The following KALRN variants were observed in gnomAD, a reference collection of about 807,000 sequenced individuals.
The protein encoded by KALRN is kalirin.
In KALRN, 70 loss-of-function variants were observed where a neutral mutation model predicts 353.7. That is an observed-to-expected ratio of 0.20 (90% CI 0.16 to 0.24). KALRN has a LOEUF of 0.24. KALRN is among the 10% of genes least tolerant of loss of function. The pLI is 1.00. For missense variants in KALRN, 2,791 were observed against 3,756.7 expected (o/e 0.74, Z 6.72); for synonymous variants, 1,391 against 1,434.8 (o/e 0.97, Z 0.69).
chr3:124,627,558 C>A (rs139905767), intron 34 of KALRN, among the ~76,000 whole-genome samples: 1 of 152,180 alleles, frequency 6.6e-6, no homozygotes, highest in Admixed American at 6.5e-5. Context: ...TTAATGTGGC[C>A]GGACTTCTAG....
rs150690836 is a variant in KALRN, at chr3:124,123,531, G to A, written c.73+89718G>A. Reference sequence around the variant, plus strand: ...TTCATGAGACTGAGGGAAAGAAGCAGTCTTTACAACATAAAAATGCAAGAT... The same window carrying A: ...TTCATGAGACTGAGGGAAAGAAGCAATCTTTACAACATAAAAATGCAAGAT... On this transcript the variant is annotated intron_variant, in intron 1 of 59. Coordinates refer to ENST00000682506, the MANE Select transcript of KALRN (RefSeq NM_001388419.1). Among the ~76,000 whole-genome samples, 141 of 152,328 alleles carry A rather than the reference G, an allele frequency of 9.3e-4. 1 individual carries two copies. The highest frequency in any genetic ancestry group is 3.2e-3 in the African/African-American group (132 of 41,582).
intron 1 of KALRN, among the ~76,000 whole-genome samples, chr3:124,141,183 T>TAATA (rs1398167953): frequency 6.6e-6 from 1 of 152,202 alleles, no homozygotes; most frequent in Non-Finnish European, 1.5e-5. Context: ...ATCCCATGCC[T>TAATA]AATAGCTCCT....
At chr3:124,530,387 G>A (rs890007609) in intron 33 of KALRN, among the ~76,000 whole-genome samples, 3 of 152,062 alleles carry the variant, frequency 2.0e-5, no homozygotes, top group Admixed American at 1.3e-4. Context: ...GTCATTTGAT[G>A]TAATGGCAGT....
At chr3:124,596,151 A>G (rs1047012971) in intron 34 of KALRN, among the ~76,000 whole-genome samples, 9 of 151,000 alleles carry the variant, frequency 6.0e-5, no homozygotes, top group African/African-American at 2.0e-4. Flanking sequence ...TTTTCATCTC[A>G]TATTTCATTT....
intron 33 of KALRN, among the ~76,000 whole-genome samples, chr3:124,535,161 G>C (rs2068402090): frequency 2.0e-5 from 3 of 151,436 alleles, no homozygotes; most frequent in African/African-American, 7.3e-5. Context: ...TGGATGGGGG[G>C]ATATTTCCTA....
chr3:124,614,917 A>T (rs2078400517), intron 34 of KALRN, among the ~76,000 whole-genome samples: 1 of 152,230 alleles, frequency 6.6e-6, no homozygotes, highest in Non-Finnish European at 1.5e-5. Flanking sequence ...AATGGAGTAG[A>T]AAATTAGCCT....
chr3:124,186,808 T>G (rs1282102220), intron 1 of KALRN, among the ~76,000 whole-genome samples: 2 of 152,132 alleles, frequency 1.3e-5, no homozygotes, highest in Non-Finnish European at 2.9e-5. Context: ...ACTTAAGATG[T>G]TTTGCTCCTG....
At chr3:124,716,835 G>C (rs1213795229) in intron 58 of KALRN, among the ~76,000 whole-genome samples, 2 of 152,154 alleles carry the variant, frequency 1.3e-5, no homozygotes, top group Non-Finnish European at 2.9e-5. Flanking sequence ...AAATTAAGAA[G>C]TACTTTGCAA....
intron 3 of KALRN, among the ~76,000 whole-genome samples, chr3:124,245,382 C>T (rs2080999083): frequency 1.3e-5 from 2 of 152,172 alleles, no homozygotes; most frequent in South Asian, 4.1e-4. Flanking sequence ...TTTATCCATT[C>T]ATCTGTTGAT....
At chr3:124,105,361 T>C (rs2149457875) in intron 1 of KALRN, among the ~76,000 whole-genome samples, 1 of 152,302 alleles carries the variant, frequency 6.6e-6, no homozygotes, top group Middle Eastern at 3.4e-3. Flanking sequence ...TAGGTTTGTG[T>C]TTCTAGGGGG....
chr3:124,629,212 G>T (rs961623497), intron 34 of KALRN, among the ~76,000 whole-genome samples: 3 of 152,140 alleles, frequency 2.0e-5, no homozygotes, highest in East Asian at 3.9e-4. Context: ...ACTCACCTTT[G>T]ATTTGTTCAG....
At chr3:124,278,379 G>C (rs2074991054) in intron 5 of KALRN, among the ~76,000 whole-genome samples, 1 of 151,864 alleles carries the variant, frequency 6.6e-6, no homozygotes, top group Non-Finnish European at 1.5e-5. Flanking sequence ...AAGCAAAAAG[G>C]AGACATGTCA....
chr3:124,658,653 G>C (rs1012187224), intron 42 of KALRN, 136 bp downstream of exon 42: 3 of 702,458 alleles, frequency 4.3e-6, no homozygotes, highest in African/African-American at 3.5e-5. Flanking sequence ...GGCAGGAATA[G>C]CTGCCTCAAC....
chr3:124,232,749 T>C (rs3755655), intron 2 of KALRN, among the ~76,000 whole-genome samples: 7,695 of 152,230 alleles, frequency 0.051, 309 homozygotes, highest in East Asian at 0.18. Context: ...CTTTCTCTTC[T>C]AACTCCTCCT....
chr3:124,159,574 CTT>C (rs10576641), intron 1 of KALRN, among the ~76,000 whole-genome samples: 79,682 of 144,048 alleles, frequency 0.55, 23,772 homozygotes, highest in Non-Finnish European at 0.68. Context: ...ACCTGGCTGG[CTT>C]TTTTTTTTTT....
At chr3:124,357,919 A>G (rs189364970) in intron 10 of KALRN, among the ~76,000 whole-genome samples, 301 of 152,316 alleles carry the variant, frequency 2.0e-3, no homozygotes, top group African/African-American at 7.1e-3. Context: ...TGTTGGGCGG[A>G]TATCAGGCCA....
chr3:124,101,394 C>T lies in KALRN; in HGVS notation c.73+67581C>T, dbSNP rs137889206. Among the ~76,000 whole-genome samples, 32 of 152,268 alleles carry T rather than the reference C, an allele frequency of 2.1e-4. No individual in the cohort carries two copies. The East Asian group carries it at 5.0e-3, about 24-fold the overall frequency. On this transcript the variant is annotated intron_variant, in intron 1 of 59. Transcript: ENST00000682506. ...CTGCCAGAATTAGAGAAAGAAAAAT[C>T]GTTTTCTGCCTTCAGGATAAATGGG...
intron 1 of KALRN, among the ~76,000 whole-genome samples, chr3:124,215,995 G>A (rs886095198): frequency 2.6e-5 from 4 of 152,156 alleles, no homozygotes; most frequent in Non-Finnish European, 5.9e-5. Flanking sequence ...CTCCAATGGC[G>A]GGGGTGTCAT....
intron 38 of KALRN, 102 bp downstream of exon 38, chr3:124,651,040 C>A: frequency 7.2e-7 from 1 of 1,380,220 alleles, no homozygotes; most frequent in Non-Finnish European, 1.0e-6. Flanking sequence ...ACGCTGTTTC[C>A]ACTGACATCT....
Sources: allele counts gnomAD v4.1 joint callset (sites outside exome capture counted in the v4.1 genomes callset), GRCh38; gene constraint gnomAD v4.1.1; transcripts MANE v1.5; gene names NCBI Gene and HGNC (gene_info 2026-07-23, HGNC 2026-07-21).